CFAP43: variants seen among roughly 807,000 people sequenced by gnomAD.
CFAP43 encodes cilia and flagella associated protein 43, also known as cilia- and flagella-associated protein 43.
CFAP43 carries 155 observed loss-of-function variants against 218.9 expected under a neutral mutation model. The ratio of observed to expected loss-of-function variants is 0.71; its 90% CI spans 0.62 to 0.81. The LOEUF is 0.81. Among genes scored for constraint, CFAP43 ranks in the 30% least tolerant of loss-of-function variants. The pLI, the probability that CFAP43 is intolerant of heterozygous loss-of-function variation, is 0.00. For synonymous variants in CFAP43, 645 were observed against 681.3 expected, an observed-to-expected ratio of 0.95 and a Z score of 0.83; for missense variants, 1,778 against 1,954.3, an observed-to-expected ratio of 0.91 and a Z score of 1.70.
intron 5 of CFAP43, among the ~76,000 whole-genome samples, chr10:104,209,379 C>T (rs1388548390): frequency 6.6e-6 from 1 of 152,098 alleles, no homozygotes; most frequent in African/African-American, 2.4e-5. Context: ...ATTTAAAATA[C>T]ACTGAGTGCA....
At chr10:104,185,862 C>A in intron 15 of CFAP43, 112 bp downstream of exon 15, 2 of 858,030 alleles carry the variant, frequency 2.3e-6, no homozygotes, top group Non-Finnish European at 3.4e-6. Flanking sequence ...CCTTCAATAT[C>A]TTTTCAGAGT....
rs2087104422 is a variant in CFAP43 at position 104,129,940 on chromosome 10, G to T, written c.*199C>A. ...TCTTGAATAAAAACAGCAATTCATG[G>T]TATTTTACACATTTATTCATGCAGG... On this transcript the variant is annotated 3_prime_UTR_variant, in exon 38 of 38. Transcript: ENST00000357060. 1 of 505,708 alleles carries T rather than the reference G, an allele frequency of 2.0e-6. No homozygotes were observed. The highest frequency in any genetic ancestry group is 3.3e-6 in the Non-Finnish European group (1 of 300,834). The allele number at this position is 505,708 out of a possible 1,614,324, so 31.3% of individuals were successfully genotyped here.
chr10:104,231,156 A>G (rs1054328566), intron 1 of CFAP43, among the ~76,000 whole-genome samples: 2 of 152,232 alleles, frequency 1.3e-5, no homozygotes, highest in African/African-American at 2.4e-5. Flanking sequence ...CTATACTTGG[A>G]AGACAAAAAG....
intron 16 of CFAP43, 136 bp downstream of exon 16, chr10:104,184,880 T>C (rs917063515): frequency 5.8e-6 from 8 of 1,368,670 alleles, no homozygotes; most frequent in Non-Finnish European, 7.7e-6. Context: ...TCTCTTGGGA[T>C]CTGTGAGTAT....
At chr10:104,168,268 G>C (rs571295070) in intron 21 of CFAP43, among the ~76,000 whole-genome samples, 1 of 152,314 alleles carries the variant, frequency 6.6e-6, no homozygotes, top group Non-Finnish European at 1.5e-5. Flanking sequence ...AAGTGAAAAG[G>C]ATGCTGATAA....
intron 14 of CFAP43, among the ~76,000 whole-genome samples, chr10:104,186,693 A>G (rs2090042371): frequency 6.6e-6 from 1 of 152,148 alleles, no homozygotes; most frequent in Non-Finnish European, 1.5e-5. Context: ...CTCTCTTGCC[A>G]CTAATCATTT....
chr10:104,214,330 G>A lies in CFAP43; in HGVS notation c.513C>T (p.Cys171=). ...SFNPMNWRQL[C]LSSPSTVSVW... ...CGCTCACTGTACTTGGACTTGATAA[G>A]CACAGCTGGCGCCAGTTCATGGGGT... is the stretch of plus-strand genomic sequence containing the variant. Residue 171 remains cysteine (C), a synonymous_variant, in exon 4 of 38, where the codon TGC becomes TGT. Transcript: ENST00000357060. 1 of 1,611,000 alleles carries A rather than the reference G, an allele frequency of 6.2e-7. No homozygotes were observed. Among genetic ancestry groups the A allele is most frequent in the Non-Finnish European group, 8.5e-7 (1 of 1,178,302 alleles).
At chr10:104,194,424 A>C (rs2090326928) in intron 10 of CFAP43, among the ~76,000 whole-genome samples, 1 of 152,130 alleles carries the variant, frequency 6.6e-6, no homozygotes, top group South Asian at 2.1e-4. Context: ...ATTTTTATTT[A>C]TTTATTAGCG....
At chr10:104,183,866 T>C (rs1298160670) in intron 16 of CFAP43, among the ~76,000 whole-genome samples, 1 of 152,244 alleles carries the variant, frequency 6.6e-6, no homozygotes, top group African/African-American at 2.4e-5. Flanking sequence ...CATAGTGAGA[T>C]AAAAGCTAAT....
chr10:104,210,608 T>C (rs1406077203), intron 5 of CFAP43, among the ~76,000 whole-genome samples: 1 of 152,060 alleles, frequency 6.6e-6, no homozygotes, highest in East Asian at 1.9e-4. Context: ...ATCCCAAAGG[T>C]CTTGCAGGTG....
chr10:104,229,499 T>TAA lies in CFAP43; in HGVS notation c.319+1089_319+1090dup, dbSNP rs34183569. On this transcript the variant is annotated intron_variant, in intron 2 of 37. Transcript: ENST00000357060. ...AAAACCCCATCCTCTGCCAAAAACA[T>TAA]AAAAAAAAAAAAAAAAAAGCCGAGC... 8.8e-3 allele frequency among the ~76,000 whole-genome samples: 865 copies of TAA among 97,792 alleles called. 8 individuals carry two copies. Among genetic ancestry groups the TAA allele is most frequent in the East Asian group, 0.033 (101 of 3,024 alleles). The allele number at this position is 97,792 out of a possible 152,430, so 64.2% of individuals were successfully genotyped here.
In CFAP43 at chr10:104,131,162, A is replaced by G. The variant is rs76995607; in HGVS notation, c.4831+169T>C. On this transcript the variant is annotated intron_variant, in intron 37 of 37. Coordinates refer to ENST00000357060, the MANE Select transcript of CFAP43 (RefSeq NM_025145.7). ...TCAGCATCACACAATATACCTAAGT[A>G]ACAAACTTGTACATGTACTCCCTGA... is the stretch of plus-strand genomic sequence containing the variant. Among the ~76,000 whole-genome samples, 108 of 152,274 alleles carry G rather than the reference A, an allele frequency of 7.1e-4. No homozygotes were observed. The East Asian group carries it at 0.019, about 27-fold the overall frequency.
At chr10:104,148,532 T>G (rs1287379070) in intron 28 of CFAP43, among the ~76,000 whole-genome samples, 1 of 152,172 alleles carries the variant, frequency 6.6e-6, no homozygotes, top group East Asian at 1.9e-4. Context: ...TATGGGTCCC[T>G]CATGAATAGA....
chr10:104,137,383 C>T (rs1338938825), intron 34 of CFAP43, among the ~76,000 whole-genome samples: 1 of 152,134 alleles, frequency 6.6e-6, no homozygotes, highest in African/African-American at 2.4e-5. Flanking sequence ...TGTATGATTC[C>T]ATTCATACAA....
Position 104,225,572 on chromosome 10 carries a change from CCATTATCAGGATTTGATTATGTTAAGA to C in CFAP43, c.320-42_320-16del, listed in dbSNP as rs1238750461. ...GAGAATGTTGCCTAAAATATAAAAT[CCATTATCAGGATTTGATTATGTTAAGA>C]CCATGTTCAGTTAACTATGGTCTTA... On this transcript the variant is annotated splice_polypyrimidine_tract_variant and intron_variant, in intron 2 of 37. Transcript: ENST00000357060. 1 of 1,596,374 alleles carries C rather than the reference CCATTATCAGGATTTGATTATGTTAAGA, an allele frequency of 6.3e-7. No individual in the cohort carries two copies. The highest frequency in any genetic ancestry group is 2.3e-5 in the East Asian group (1 of 44,006).
chr10:104,188,472 C>G (rs2090104494), intron 12 of CFAP43, 62 bp from the exon 13 acceptor site: 2 of 1,569,448 alleles, frequency 1.3e-6, no homozygotes, highest in African/African-American at 2.7e-5. Context: ...GATCTTTTAC[C>G]TTTCCAATTA....
At chr10:104,141,171 A>G (rs1208369970) in intron 33 of CFAP43, among the ~76,000 whole-genome samples, 170 bp from the exon 34 acceptor site, 2 of 152,166 alleles carry the variant, frequency 1.3e-5, no homozygotes, top group African/African-American at 4.8e-5. Flanking sequence ...ACCTCTTCCT[A>G]TTGATGCAGA....
chr10:104,208,076 C>G (rs2090750384), intron 5 of CFAP43, among the ~76,000 whole-genome samples: 1 of 152,134 alleles, frequency 6.6e-6, no homozygotes, highest in Non-Finnish European at 1.5e-5. Flanking sequence ...TCTGGTCACC[C>G]AGTGGATCAA....
At chr10:104,214,703 C>A (rs1256325192) in intron 3 of CFAP43, among the ~76,000 whole-genome samples, 1 of 152,112 alleles carries the variant, frequency 6.6e-6, no homozygotes, top group African/African-American at 2.4e-5. Flanking sequence ...CTCAGCCAAA[C>A]CTAGAAAATG....
Sources: gnomAD v4.1 joint callset for allele counts (sites outside exome capture counted in the v4.1 genomes callset) on GRCh38, gnomAD v4.1.1 for gene constraint, MANE v1.5 for transcripts, NCBI Gene and HGNC (gene_info 2026-07-23, HGNC 2026-07-21) for gene names.